CTNND2: variants seen among roughly 807,000 people sequenced by gnomAD.
The protein encoded by CTNND2 is catenin delta 2.
CTNND2 carries 22 observed loss-of-function variants against 144.4 expected under a neutral mutation model. That is an observed-to-expected ratio of 0.15 (90% CI 0.11 to 0.22). The LOEUF is 0.22. Ranked by LOEUF, CTNND2 falls within the 10% of genes least tolerant of loss-of-function variation. The probability of loss-of-function intolerance (pLI) is 1.00; values close to 1 mark genes in which losing one functional copy is unlikely to be tolerated. For synonymous variants in CTNND2, 751 were observed against 695.6 expected, an observed-to-expected ratio of 1.08 and a Z score of -1.25; for missense variants, 1,353 against 1,618.8, an observed-to-expected ratio of 0.84 and a Z score of 2.82.
intron 3 of CTNND2, among the ~76,000 whole-genome samples, chr5:11,461,421 G>A (rs1214786621): frequency 6.6e-6 from 1 of 152,132 alleles, no homozygotes; most frequent in African/African-American, 2.4e-5. Flanking sequence ...AGGACTATTT[G>A]CACTAAGATG....
intron 9 of CTNND2, among the ~76,000 whole-genome samples, chr5:11,335,404 C>T (rs1441503697): frequency 6.6e-6 from 1 of 152,106 alleles, no homozygotes; most frequent in Non-Finnish European, 1.5e-5. Flanking sequence ...TTTTTGTCCT[C>T]AAATGTTCAA....
chr5:11,317,054 A>G (rs1315432415), intron 9 of CTNND2, among the ~76,000 whole-genome samples: 2 of 152,170 alleles, frequency 1.3e-5, no homozygotes, highest in African/African-American at 2.4e-5. Flanking sequence ...TGCAGCCAAA[A>G]AACACTTGAA....
intron 2 of CTNND2, among the ~76,000 whole-genome samples, chr5:11,625,513 C>A (rs1781111686): frequency 6.6e-6 from 1 of 151,472 alleles, no homozygotes; most frequent in East Asian, 1.9e-4. Flanking sequence ...AATTATAAAA[C>A]CTCTATAAGG....
At chr5:11,081,617 C>A (rs536644522) in intron 16 of CTNND2, among the ~76,000 whole-genome samples, 1 of 152,178 alleles carries the variant, frequency 6.6e-6, no homozygotes, top group Admixed American at 6.5e-5. Context: ...GGATTAGGGA[C>A]CCTCAACCTG....
chr5:10,981,622 CT>C (rs1472790118), intron 21 of CTNND2, 150 bp downstream of exon 21: 4 of 713,886 alleles, frequency 5.6e-6, no homozygotes, highest in Non-Finnish European at 9.8e-6. Flanking sequence ...CACACACACG[CT>C]GCAACAGGCG....
At chr5:11,874,520 C>T (rs1230466376) in intron 1 of CTNND2, among the ~76,000 whole-genome samples, 1 of 152,106 alleles carries the variant, frequency 6.6e-6, no homozygotes, top group East Asian at 1.9e-4. Context: ...GTGATGTGAA[C>T]ACAAGCACTG....
chr5:11,023,728 G>C (rs1742531604), intron 16 of CTNND2, among the ~76,000 whole-genome samples: 1 of 152,150 alleles, frequency 6.6e-6, no homozygotes, highest in Non-Finnish European at 1.5e-5. Context: ...ATCCAATTCT[G>C]CTTCCTTAAT....
At chr5:11,078,778 A>G (rs1749218501) in intron 16 of CTNND2, among the ~76,000 whole-genome samples, 1 of 152,228 alleles carries the variant, frequency 6.6e-6, no homozygotes, top group Non-Finnish European at 1.5e-5. Context: ...GTGCAACGAA[A>G]AAAAGAAAAG....
intron 3 of CTNND2, among the ~76,000 whole-genome samples, chr5:11,483,932 T>G (rs554326221): frequency 1.4e-4 from 22 of 152,278 alleles, no homozygotes; most frequent in African/African-American, 4.8e-4. Context: ...GATAGACAAG[T>G]GACTCAGGTG....
chr5:11,004,043 T>C (rs969567458), intron 18 of CTNND2, among the ~76,000 whole-genome samples: 1 of 152,168 alleles, frequency 6.6e-6, no homozygotes. Context: ...ATTTGAAAAG[T>C]TGGAAAAAAT....
At chr5:11,312,273 A>C (rs1580873004) in intron 9 of CTNND2, among the ~76,000 whole-genome samples, 4 of 126,796 alleles carry the variant, frequency 3.2e-5, no homozygotes, top group Admixed American at 1.7e-4. Context: ...CTCTCCCCCT[A>C]CCCCCCCAAC....
At chr5:11,108,671 G>A (rs902135883) in intron 14 of CTNND2, among the ~76,000 whole-genome samples, 2 of 152,090 alleles carry the variant, frequency 1.3e-5, no homozygotes, top group Non-Finnish European at 2.9e-5. Flanking sequence ...TAAAAAGGGA[G>A]GTTTTGGATT....
At chr5:11,551,599 C>G (rs1323041709) in intron 3 of CTNND2, among the ~76,000 whole-genome samples, 1 of 149,710 alleles carries the variant, frequency 6.7e-6, no homozygotes, top group Non-Finnish European at 1.5e-5. Flanking sequence ...TTTTTGTTTT[C>G]TTTGTTTGTT....
At position 10,988,198 on chromosome 5, in the gene CTNND2, T is replaced by A. The variant is rs771681587; in HGVS notation, c.3256A>T (p.Arg1086Trp). ...SPREMISLKE[R>W]KTDYECTGSN... ...CCGGTGCACTCGTAGTCTGTTTTCC[T>A]TTCTTTGAGGCTGATCATTTCCCGA... The change falls in exon 20 of 22, where the codon AGG becomes TGG. Residue 1086 changes from arginine to tryptophan, a missense_variant. Coordinates refer to ENST00000304623, the MANE Select transcript of CTNND2 (RefSeq NM_001332.4). This position sits in a 1 kb window ranked among gnomAD's most constrained non-coding sequence, Gnocchi z 5.9. The A allele has an allele frequency of 6.2e-7, 1 of 1,614,206 alleles. No homozygotes were observed. The highest frequency in any genetic ancestry group is 8.5e-7 in the Non-Finnish European group (1 of 1,180,040).
chr5:11,470,498 CT>C (rs370628289), intron 3 of CTNND2, among the ~76,000 whole-genome samples: 111 of 152,216 alleles, frequency 7.3e-4, no homozygotes, highest in African/African-American at 2.6e-3. Flanking sequence ...AGTTGATCCC[CT>C]ATTATAAACA....
chr5:11,868,366 C>T (rs1316573822), intron 1 of CTNND2, among the ~76,000 whole-genome samples: 3 of 152,130 alleles, frequency 2.0e-5, no homozygotes, highest in Non-Finnish European at 4.4e-5. Context: ...CATCATCTTA[C>T]CTTCAAAAGA....
chr5:11,661,797 C>T (rs1036123214), intron 2 of CTNND2, among the ~76,000 whole-genome samples: 2 of 151,640 alleles, frequency 1.3e-5, no homozygotes, highest in Non-Finnish European at 2.9e-5. Flanking sequence ...TTATGTCTTT[C>T]TTGGTTTTAT....
intron 9 of CTNND2, among the ~76,000 whole-genome samples, chr5:11,320,943 C>A (rs958118081): frequency 6.6e-6 from 1 of 152,154 alleles, no homozygotes; most frequent in African/African-American, 2.4e-5. Flanking sequence ...TAGCTTTACA[C>A]AATCTATTTT....
chr5:11,673,106 G>A (rs1783989817), intron 2 of CTNND2, among the ~76,000 whole-genome samples: 1 of 152,102 alleles, frequency 6.6e-6, no homozygotes, highest in African/African-American at 2.4e-5. Context: ...TCATTTTCCA[G>A]TTTATCACTT....
Sources: allele counts gnomAD v4.1 joint callset (sites outside exome capture counted in the v4.1 genomes callset), GRCh38; gene constraint gnomAD v4.1.1; non-coding constraint Gnocchi (gnomAD v3.1); transcripts MANE v1.5; gene names NCBI Gene and HGNC (gene_info 2026-07-23, HGNC 2026-07-21).